The following CEP112 variants were observed in gnomAD, a reference collection of about 807,000 sequenced individuals.
The protein encoded by CEP112 is centrosomal protein of 112 kDa.
A neutral mutation model predicts 153.0 loss-of-function variants in CEP112; 127 were observed. The observed-to-expected ratio is 0.83, with a 90% CI of 0.72 to 0.96. The LOEUF (loss-of-function observed/expected upper bound fraction) is 0.96, where lower values mean the gene tolerates loss of function less well. Among genes scored for constraint, CEP112 ranks in the 40% least tolerant of loss-of-function variants. The pLI, the probability that CEP112 is intolerant of heterozygous loss-of-function variation, is 0.00. For missense variants in CEP112, 1,089 were observed against 1,101.2 expected, an observed-to-expected ratio of 0.99 and a Z score of 0.16; for synonymous variants, 358 against 374.4, an observed-to-expected ratio of 0.96 and a Z score of 0.51.
chr17:65,707,159 CACTT>C (rs1233191905), intron 23 of CEP112, among the ~76,000 whole-genome samples: 23 of 152,304 alleles, frequency 1.5e-4, no homozygotes, highest in African/African-American at 5.1e-4. Context: ...ATACAGCAGC[CACTT>C]ACTTTGGAAG....
chr17:65,989,274 C>T (rs2063512998), intron 17 of CEP112, among the ~76,000 whole-genome samples: 2 of 149,556 alleles, frequency 1.3e-5, no homozygotes, highest in Admixed American at 1.3e-4. Context: ...AAAGAAAACA[C>T]CAAACAGATT....
intron 8 of CEP112, among the ~76,000 whole-genome samples, chr17:66,091,311 A>C (rs1172672815): frequency 6.6e-6 from 1 of 152,182 alleles, no homozygotes; most frequent in Admixed American, 6.5e-5. Flanking sequence ...AAATCTTCAC[A>C]AATTTAAGAA....
intron 24 of CEP112, among the ~76,000 whole-genome samples, chr17:65,658,070 A>G (rs1444868125): frequency 6.6e-6 from 1 of 152,226 alleles, no homozygotes; most frequent in Admixed American, 6.5e-5. Flanking sequence ...TTGCTGCATA[A>G]TCTTTTACAT....
chr17:65,739,247 T>C (rs894673232), intron 23 of CEP112, among the ~76,000 whole-genome samples: 1 of 152,244 alleles, frequency 6.6e-6, no homozygotes, highest in African/African-American at 2.4e-5. Flanking sequence ...AGCTGATCCC[T>C]GCCCAAATTT....
At chr17:65,970,376 ATCAT>A (rs1568313582) in intron 17 of CEP112, among the ~76,000 whole-genome samples, 3 of 66,944 alleles carry the variant, frequency 4.5e-5, no homozygotes, top group Non-Finnish European at 1.1e-4. Flanking sequence ...ACATGCACAC[ATCAT>A]GCATATATAT....
chr17:66,054,981 C>A (rs1376280620), intron 11 of CEP112, among the ~76,000 whole-genome samples: 2 of 152,116 alleles, frequency 1.3e-5, no homozygotes, highest in African/African-American at 2.4e-5. Flanking sequence ...TGGTCTCGAA[C>A]TCCTACCCTC....
chr17:66,130,698 C>T (rs934727417), intron 5 of CEP112, among the ~76,000 whole-genome samples: 6 of 149,974 alleles, frequency 4.0e-5, no homozygotes, highest in Non-Finnish European at 5.9e-5. Context: ...ATGGTGTGAA[C>T]CCGGGAGGTG....
chr17:65,993,304 G>A (rs977585130), intron 17 of CEP112, among the ~76,000 whole-genome samples: 1 of 152,078 alleles, frequency 6.6e-6, no homozygotes, highest in African/African-American at 2.4e-5. Flanking sequence ...GTATTCCATG[G>A]TATATATGTA....
At chr17:66,131,893 G>A (rs1263165596) in intron 5 of CEP112, among the ~76,000 whole-genome samples, 3 of 152,188 alleles carry the variant, frequency 2.0e-5, no homozygotes, top group African/African-American at 4.8e-5. Flanking sequence ...CTGGGGCTGG[G>A]TGCAGTGGCT....
chr17:65,811,458 C>G (rs1405851669), intron 21 of CEP112, among the ~76,000 whole-genome samples: 1 of 152,042 alleles, frequency 6.6e-6, no homozygotes, highest in Non-Finnish European at 1.5e-5. Flanking sequence ...TGCCAGAAAC[C>G]AAAATTTTCA....
At chr17:66,004,183 TA>T (rs1301251405) in intron 17 of CEP112, among the ~76,000 whole-genome samples, 2 of 151,886 alleles carry the variant, frequency 1.3e-5, no homozygotes, top group Non-Finnish European at 2.9e-5. Flanking sequence ...TCCTATTCAT[TA>T]AAAAAAGCAA....
At chr17:65,996,132 G>A (rs1049590916) in intron 17 of CEP112, among the ~76,000 whole-genome samples, 6 of 1,094 alleles carry the variant, frequency 5.5e-3, no homozygotes, top group Admixed American at 0.026. Context: ...AAATATACGT[G>A]TGTGTGTGTG....
intron 21 of CEP112, among the ~76,000 whole-genome samples, chr17:65,766,563 T>C (rs1276522208): frequency 1.3e-5 from 2 of 152,156 alleles, no homozygotes; most frequent in African/African-American, 4.8e-5. Context: ...ATGGATTAAA[T>C]TTTCCAATCC....
intron 8 of CEP112, among the ~76,000 whole-genome samples, chr17:66,081,226 A>T (rs994598830): frequency 2.0e-5 from 3 of 152,198 alleles, no homozygotes; most frequent in African/African-American, 7.2e-5. Flanking sequence ...CTTCATATAA[A>T]GTTCAAAATC....
chr17:65,849,368 A>G (rs1341155016), intron 21 of CEP112, among the ~76,000 whole-genome samples: 1 of 152,210 alleles, frequency 6.6e-6, no homozygotes, highest in Non-Finnish European at 1.5e-5. Flanking sequence ...GTGTACTTGC[A>G]GTATTTTTCT....
intron 21 of CEP112, among the ~76,000 whole-genome samples, chr17:65,782,990 T>G (rs1039566167): frequency 6.6e-6 from 1 of 151,036 alleles, no homozygotes. Context: ...AAAATAAAAA[T>G]AAAATTGAAA....
At chr17:66,053,352 T>C (rs945300065) in intron 12 of CEP112, among the ~76,000 whole-genome samples, 2 of 151,682 alleles carry the variant, frequency 1.3e-5, no homozygotes, top group African/African-American at 4.8e-5. Flanking sequence ...ATACAAAAAA[T>C]AGCTGGGCAT....
At chr17:66,156,900 G>A (rs2071466195) in intron 4 of CEP112, among the ~76,000 whole-genome samples, 1 of 152,176 alleles carries the variant, frequency 6.6e-6, no homozygotes, top group Non-Finnish European at 1.5e-5. Flanking sequence ...ATTTACGTCT[G>A]ATTGGTGTAC....
intron 16 of CEP112, among the ~76,000 whole-genome samples, chr17:66,015,366 T>C (rs2064723733): frequency 6.9e-6 from 1 of 144,584 alleles, no homozygotes; most frequent in Non-Finnish European, 1.5e-5. Flanking sequence ...CATTCACCAG[T>C]ACTTTTTCGT....
Sources: gnomAD v4.1 joint callset for allele counts (sites outside exome capture counted in the v4.1 genomes callset) on GRCh38, gnomAD v4.1.1 for gene constraint, MANE v1.5 for transcripts, NCBI Gene and HGNC (gene_info 2026-07-23, HGNC 2026-07-21) for gene names.